ANKRD27: variants seen among roughly 807,000 people sequenced by gnomAD.
ANKRD27 encodes the protein ankyrin repeat domain-containing protein 27.
A neutral mutation model predicts 129.7 loss-of-function variants in ANKRD27; 112 were observed. The ratio of observed to expected loss-of-function variants is 0.86; its 90% CI spans 0.74 to 1.01. The LOEUF (loss-of-function observed/expected upper bound fraction) is 1.01, where lower values mean the gene tolerates loss of function less well. Among genes scored for constraint, ANKRD27 ranks in the 50% least tolerant of loss-of-function variants. The pLI, the probability that ANKRD27 is intolerant of heterozygous loss-of-function variation, is 0.00. For missense variants in ANKRD27, 1,258 were observed against 1,300.5 expected (o/e 0.97, Z 0.50); for synonymous variants, 516 against 511.2 (o/e 1.01, Z -0.13).
chr19:32,643,033 G>T, intron 9 of ANKRD27, 90 bp downstream of exon 9: 1 of 1,296,292 alleles, frequency 7.7e-7, no homozygotes, highest in Non-Finnish European at 1.1e-6. Context: ...AAACCAGCGT[G>T]TCACCTCTGC....
At chr19:32,641,835 A>G (rs1221859581) in intron 10 of ANKRD27, among the ~76,000 whole-genome samples, 189 bp downstream of exon 10, 1 of 143,386 alleles carries the variant, frequency 7.0e-6, no homozygotes, top group Non-Finnish European at 1.5e-5. Flanking sequence ...TGGTGTGATC[A>G]TAGCTCACTG....
chr19:32,611,827 C>T (rs1182401357), intron 22 of ANKRD27, among the ~76,000 whole-genome samples: 2 of 152,144 alleles, frequency 1.3e-5, no homozygotes, highest in African/African-American at 2.4e-5. Context: ...GTGATCTACC[C>T]GCCTCGGCCT....
At position 32,626,770 on chromosome 19, in the gene ANKRD27, T is replaced by G; in HGVS notation, c.1478A>C (p.Asp493Ala). The G allele has an allele frequency of 6.2e-7, 1 of 1,612,544 alleles. No individual in the cohort carries two copies. Among genetic ancestry groups the G allele is most frequent in the South Asian group, 1.1e-5 (1 of 90,638 alleles). The change falls in exon 16 of 29, where the codon GAC becomes GCC. Residue 493 changes from aspartate (D) to alanine (A), a missense_variant. Physicochemically the swap from Asp to Ala is moderately radical, Grantham distance 126 (BLOSUM62 -2). Transcript: ENST00000306065. The stretch of plus-strand genomic sequence containing the variant: ...GTGGAGCGGAGTGGCTCCATGGTAG[T>G]CTGTGGCATTTACCATGGCGCCCTT... ...VSKGAMVNAT[D>A]YHGATPLHLA...
intron 2 of ANKRD27, among the ~76,000 whole-genome samples, chr19:32,657,518 T>C (rs1173108619): frequency 6.9e-6 from 1 of 145,148 alleles, no homozygotes; most frequent in Non-Finnish European, 1.5e-5. Flanking sequence ...TCCCGGCTAC[T>C]CAGGAGGCCG....
chr19:32,663,166 T>A (rs1967679409), intron 1 of ANKRD27, among the ~76,000 whole-genome samples: 1 of 152,134 alleles, frequency 6.6e-6, no homozygotes, highest in South Asian at 2.1e-4. Context: ...TACCCCAAGA[T>A]CCCAATGCTA....
chr19:32,598,026 T>C lies in ANKRD27; in HGVS notation c.*119A>G. 1 of 927,242 alleles carries C rather than the reference T, an allele frequency of 1.1e-6. No individual in the cohort carries two copies. The highest frequency in any genetic ancestry group is 1.7e-6 in the Non-Finnish European group (1 of 604,270). The allele number at this position is 927,242 out of a possible 1,614,324, so 57.4% of individuals were successfully genotyped here. ...AGAAAAGCTTTCAGGAACTTGGTGCTGAAGACTTCTCAAGCCAGTCTCATG... is the reference window on the plus strand; with the variant it reads ...AGAAAAGCTTTCAGGAACTTGGTGCCGAAGACTTCTCAAGCCAGTCTCATG... On this transcript the variant is annotated 3_prime_UTR_variant, in exon 29 of 29. Coordinates refer to ENST00000306065, the MANE Select transcript of ANKRD27 (RefSeq NM_032139.3).
intron 10 of ANKRD27, among the ~76,000 whole-genome samples, chr19:32,641,251 T>C (rs7260265): frequency 0.049 from 7,364 of 151,312 alleles, 540 homozygotes; most frequent in African/African-American, 0.15. Context: ...AAGCAGACCA[T>C]GCCTTGCCAC....
intron 22 of ANKRD27, 146 bp downstream of exon 22, chr19:32,615,512 C>A (rs181067973): frequency 8.0e-7 from 1 of 1,253,388 alleles, no homozygotes; most frequent in Non-Finnish European, 1.1e-6. Flanking sequence ...TGAGCCCAGG[C>A]GGTTGAGGCT....
chr19:32,671,473 G>A (rs895800043), intron 1 of ANKRD27, among the ~76,000 whole-genome samples: 2 of 152,154 alleles, frequency 1.3e-5, no homozygotes, highest in African/African-American at 4.8e-5. Flanking sequence ...CAAAGCGGGT[G>A]GATCACTGGA....
intron 24 of ANKRD27, among the ~76,000 whole-genome samples, chr19:32,605,386 A>G (rs1971716487): frequency 6.6e-6 from 1 of 152,220 alleles, no homozygotes; most frequent in Admixed American, 6.5e-5. Flanking sequence ...ATTAATAAAT[A>G]ACACTGAAAC....
intron 15 of ANKRD27, among the ~76,000 whole-genome samples, chr19:32,627,382 A>T (rs146073134): frequency 0.014 from 1,294 of 91,778 alleles, 24 homozygotes; most frequent in Non-Finnish European, 0.026. Context: ...TTATTTATTT[A>T]TTTATTTATT....
At chr19:32,666,898 C>T (rs907179003) in intron 1 of ANKRD27, among the ~76,000 whole-genome samples, 4 of 152,070 alleles carry the variant, frequency 2.6e-5, no homozygotes, top group Non-Finnish European at 5.9e-5. Context: ...CCGCCCACCT[C>T]GGCCTCCCAA....
At chr19:32,656,036 G>GAAAGA (rs1381775175) in intron 2 of ANKRD27, among the ~76,000 whole-genome samples, 2 of 53,968 alleles carry the variant, frequency 3.7e-5, no homozygotes, top group African/African-American at 1.1e-4. Context: ...AAGAAGAAAA[G>GAAAGA]AAAGAAAAGA....
chr19:32,651,888 C>A (rs944734089), intron 2 of ANKRD27, among the ~76,000 whole-genome samples: 3 of 152,182 alleles, frequency 2.0e-5, no homozygotes, highest in African/African-American at 7.2e-5. Context: ...CAACCCTTCC[C>A]CCAACTAGTT....
chr19:32,650,956 G>A (rs1235685846), intron 2 of ANKRD27, among the ~76,000 whole-genome samples: 1 of 151,750 alleles, frequency 6.6e-6, no homozygotes, highest in Non-Finnish European at 1.5e-5. Flanking sequence ...TTTTGTCCAA[G>A]CTGGTCTTGA....
chr19:32,644,981 C>T lies in ANKRD27; in HGVS notation c.371-502G>A, dbSNP rs1265358017. ...CTGCCTCCTGGAATTGTGCAATGCC[C>T]GACCTGTGCAACAGCAGCCCCGATC... is the stretch of plus-strand genomic sequence containing the variant. On this transcript the variant is annotated intron_variant, in intron 4 of 28. Coordinates refer to ENST00000306065, the MANE Select transcript of ANKRD27 (RefSeq NM_032139.3). 8.7e-5 allele frequency among the ~76,000 whole-genome samples: 13 copies of T among 150,058 alleles called. No homozygotes were observed. The East Asian group carries it at 1.4e-3, about 16-fold the overall frequency.
At chr19:32,637,950 A>T (rs1219729492) in intron 12 of ANKRD27, 1 of 152,382 alleles carries the variant, frequency 6.6e-6, no homozygotes, top group Admixed American at 6.5e-5. Flanking sequence ...ATGGGAGAGT[A>T]GTCAAGGTAG....
At chr19:32,612,603 G>A (rs185218786) in intron 22 of ANKRD27, among the ~76,000 whole-genome samples, 1 of 152,288 alleles carries the variant, frequency 6.6e-6, no homozygotes, top group Non-Finnish European at 1.5e-5. Flanking sequence ...CTGGTAGGAT[G>A]GGCCCATAGA....
intron 18 of ANKRD27, 147 bp downstream of exon 18, chr19:32,622,275 A>G: frequency 1.2e-6 from 1 of 821,762 alleles, no homozygotes; most frequent in Non-Finnish European, 2.0e-6. Context: ...CCCATTAATG[A>G]TGACGTCCCA....
Sources: allele counts gnomAD v4.1 joint callset (sites outside exome capture counted in the v4.1 genomes callset), GRCh38; gene constraint gnomAD v4.1.1; transcripts MANE v1.5; gene names NCBI Gene and HGNC (gene_info 2026-07-23, HGNC 2026-07-21).